The following ZMIZ1 variants were observed in gnomAD, a reference collection of about 807,000 sequenced individuals.
ZMIZ1 encodes the protein zinc finger MIZ-type containing 1.
Under a neutral mutation model 113.9 loss-of-function variants are expected in ZMIZ1, and 17 were observed. The observed-to-expected ratio is 0.15, with a 90% confidence interval of 0.10 to 0.22. The LOEUF is 0.22. ZMIZ1 is among the 10% of genes least tolerant of loss of function. The pLI, the probability that ZMIZ1 is intolerant of heterozygous loss-of-function variation, is 1.00. For missense variants in ZMIZ1, 1,059 were observed against 1,477.8 expected, an observed-to-expected ratio of 0.72 and a Z score of 4.65; for synonymous variants, 607 against 603.1, an observed-to-expected ratio of 1.01 and a Z score of -0.09.
At chr10:79,303,902 AG>A in intron 18 of ZMIZ1, 112 bp from the exon 19 acceptor site, 1 of 1,445,580 alleles carries the variant, frequency 6.9e-7, no homozygotes, top group South Asian at 1.3e-5. Context: ...GTGGGCTGGG[AG>A]GAGAACCAGG....
chr10:79,120,963 A>G (rs1445105565), intron 2 of ZMIZ1, among the ~76,000 whole-genome samples: 1 of 152,110 alleles, frequency 6.6e-6, no homozygotes, highest in Non-Finnish European at 1.5e-5. Flanking sequence ...TTGGTACAAC[A>G]ACCACATTTG....
At chr10:79,232,597 C>T (rs1288438167) in intron 7 of ZMIZ1, among the ~76,000 whole-genome samples, 5 of 152,046 alleles carry the variant, frequency 3.3e-5, no homozygotes, top group East Asian at 1.9e-4. Flanking sequence ...CATCCCTCAT[C>T]GTACCAGGGG....
intron 7 of ZMIZ1, among the ~76,000 whole-genome samples, chr10:79,222,088 T>C (rs1848999412): frequency 6.6e-6 from 1 of 152,142 alleles, no homozygotes; most frequent in Admixed American, 6.5e-5. Context: ...CAGCTTTCCT[T>C]AGGGATGAGT....
chr10:79,278,093 C>T (rs1192937566), intron 8 of ZMIZ1, among the ~76,000 whole-genome samples: 1 of 152,242 alleles, frequency 6.6e-6, no homozygotes, highest in Non-Finnish European at 1.5e-5. Flanking sequence ...AGACCTGGGT[C>T]GCACCATCGA....
chr10:79,164,659 C>A (rs1271820588), intron 4 of ZMIZ1, among the ~76,000 whole-genome samples: 1 of 152,196 alleles, frequency 6.6e-6, no homozygotes, highest in Non-Finnish European at 1.5e-5. Context: ...TCAGCATCTT[C>A]CAATTCAACT....
At chr10:79,282,839 C>T (rs143575501) in intron 8 of ZMIZ1, among the ~76,000 whole-genome samples, 2,371 of 152,310 alleles carry the variant, frequency 0.016, 21 homozygotes, top group Non-Finnish European at 0.025. Flanking sequence ...TGCAGTGGGG[C>T]TGCCGTCTAT....
chr10:79,214,447 G>A (rs566932415), intron 6 of ZMIZ1, among the ~76,000 whole-genome samples: 4 of 152,328 alleles, frequency 2.6e-5, no homozygotes, highest in South Asian at 4.1e-4. Flanking sequence ...TGGTGATCCT[G>A]GGAAGGGGAA....
intron 7 of ZMIZ1, among the ~76,000 whole-genome samples, chr10:79,257,224 G>A (rs1030476527): frequency 3.9e-5 from 6 of 152,218 alleles, no homozygotes; most frequent in African/African-American, 1.4e-4. Context: ...ACCACTGTGG[G>A]GACCCCAGAG....
chr10:79,070,469 A>G (rs1375226260), intron 1 of ZMIZ1, among the ~76,000 whole-genome samples: 72 of 148,952 alleles, frequency 4.8e-4, no homozygotes, highest in Admixed American at 4.2e-3. Context: ...GGTTTAAAAG[A>G]CACTCCAGGA....
chr10:79,298,911 C>T (rs1854101982), intron 15 of ZMIZ1, 139 bp from the exon 16 acceptor site: 2 of 1,151,932 alleles, frequency 1.7e-6, no homozygotes, highest in Non-Finnish European at 2.4e-6. Context: ...TGCCCTTGGA[C>T]TGGCTATGTC....
In ZMIZ1 at chr10:79,074,403, C is replaced by G. The variant is rs184279013; in HGVS notation, c.-337+5133C>G. Among the ~76,000 whole-genome samples, 507 of 152,300 alleles carry G rather than the reference C, an allele frequency of 3.3e-3. 3 individuals carry two copies. Among genetic ancestry groups the G allele is most frequent in the African/African-American group, 0.011 (468 of 41,558 alleles). ...ATGGGCCTCACCTGTCTTCCCCCTCCCATATGGCAGCACATGGTCCATGCC... is the reference window on the plus strand; with the variant it reads ...ATGGGCCTCACCTGTCTTCCCCCTCGCATATGGCAGCACATGGTCCATGCC... On this transcript the variant is annotated intron_variant, in intron 1 of 24. Transcript: ENST00000334512.
chr10:79,219,159 G>A (rs191226268), intron 7 of ZMIZ1, among the ~76,000 whole-genome samples: 484 of 152,228 alleles, frequency 3.2e-3, no homozygotes, highest in Non-Finnish European at 4.9e-3. Context: ...GAGACAGAGG[G>A]ATATTTAAGA....
At chr10:79,206,988 C>G (rs1054447974) in intron 5 of ZMIZ1, among the ~76,000 whole-genome samples, 2 of 152,240 alleles carry the variant, frequency 1.3e-5, no homozygotes, top group African/African-American at 4.8e-5. Flanking sequence ...TAAAACCCCA[C>G]CACCAAGTCA....
At chr10:79,104,421 T>C (rs1843481188) in intron 1 of ZMIZ1, among the ~76,000 whole-genome samples, 1 of 152,178 alleles carries the variant, frequency 6.6e-6, no homozygotes. Context: ...CAGATTACCA[T>C]ATAAGCCATT....
chr10:79,298,868 GT>G (rs1459084257), intron 15 of ZMIZ1, among the ~76,000 whole-genome samples, 181 bp from the exon 16 acceptor site: 22 of 152,320 alleles, frequency 1.4e-4, no homozygotes, highest in African/African-American at 4.3e-4. Context: ...GGGCGGGGCC[GT>G]GTAGAATCGA....
intron 7 of ZMIZ1, among the ~76,000 whole-genome samples, chr10:79,268,168 C>A (rs1851716581): frequency 6.6e-6 from 1 of 152,212 alleles, no homozygotes; most frequent in African/African-American, 2.4e-5. Context: ...AACAGCAGCG[C>A]CGGCCCCTGA....
intron 8 of ZMIZ1, among the ~76,000 whole-genome samples, chr10:79,280,803 C>G (rs756827031): frequency 3.3e-5 from 5 of 152,176 alleles, no homozygotes; most frequent in Non-Finnish European, 7.3e-5. Context: ...CAAAACCTGC[C>G]TCCACCTCCC....
At chr10:79,171,551 C>G (rs193272940) in intron 4 of ZMIZ1, among the ~76,000 whole-genome samples, 1 of 152,188 alleles carries the variant, frequency 6.6e-6, no homozygotes, top group African/African-American at 2.4e-5. Flanking sequence ...GGTCTGTGCT[C>G]GGCTCTTCAG....
rs746616909 is a variant in ZMIZ1, at chr10:79,116,687, T to TG, written c.-336-2228_-336-2227insG. 4.5e-4 allele frequency among the ~76,000 whole-genome samples: 69 copies of TG among 152,306 alleles called. 1 individual carries two copies. The East Asian group carries it at 0.013, about 29-fold the overall frequency. Reference sequence around the variant, plus strand: ...ATTTGTCTTTAGTTCCATTGAAGTGTTACACCCATGCAGAAAAGTGTGTAT... The same window carrying TG: ...ATTTGTCTTTAGTTCCATTGAAGTGTGTACACCCATGCAGAAAAGTGTGTAT... On this transcript the variant is annotated intron_variant, in intron 1 of 24. Coordinates refer to ENST00000334512, the MANE Select transcript of ZMIZ1 (RefSeq NM_020338.4).
Sources: allele counts gnomAD v4.1 joint callset (sites outside exome capture counted in the v4.1 genomes callset), GRCh38; gene constraint gnomAD v4.1.1; transcripts MANE v1.5; gene names NCBI Gene and HGNC (gene_info 2026-07-23, HGNC 2026-07-21).